The following ABAT variants were observed in gnomAD, a reference collection of about 807,000 sequenced individuals.
ABAT encodes 4-aminobutyrate aminotransferase.
In ABAT, 45 loss-of-function variants were observed where a neutral mutation model predicts 64.6. That is an observed-to-expected ratio of 0.70 (90% CI 0.55 to 0.89). The LOEUF (loss-of-function observed/expected upper bound fraction) is 0.89, where lower values mean the gene tolerates loss of function less well. Ranked by LOEUF, ABAT falls within the 40% of genes least tolerant of loss-of-function variation. ABAT has a pLI of 0.00. For synonymous variants in ABAT, 297 were observed against 250.5 expected (o/e 1.19, Z -1.75); for missense variants, 633 against 658.4 (o/e 0.96, Z 0.42).
chr16:8,692,212 C>T (rs1192365298), intron 1 of ABAT, among the ~76,000 whole-genome samples: 1 of 151,938 alleles, frequency 6.6e-6, no homozygotes, highest in Non-Finnish European at 1.5e-5. Context: ...AAGACTTTGT[C>T]CCTACAGAAA....
chr16:8,749,862 C>G (rs982164784), intron 4 of ABAT, among the ~76,000 whole-genome samples: 1 of 152,092 alleles, frequency 6.6e-6, no homozygotes, highest in African/African-American at 2.4e-5. Flanking sequence ...CACAGGCGTG[C>G]ACCACCACGC....
intron 1 of ABAT, among the ~76,000 whole-genome samples, chr16:8,691,050 A>G (rs1045515194): frequency 9.4e-4 from 85 of 90,192 alleles, no homozygotes; most frequent in African/African-American, 3.4e-3. Context: ...TGTTGGGGGA[A>G]AAAAAAAAAC....
intron 14 of ABAT, among the ~76,000 whole-genome samples, chr16:8,778,323 G>T (rs1262477387): frequency 1.3e-5 from 2 of 152,174 alleles, no homozygotes; most frequent in Non-Finnish European, 2.9e-5. Context: ...CGAGGCTCTG[G>T]GGGAGAATCT....
At chr16:8,762,530 C>T (rs1379528524) in intron 6 of ABAT, among the ~76,000 whole-genome samples, 1 of 152,318 alleles carries the variant, frequency 6.6e-6, no homozygotes, top group East Asian at 1.9e-4. Context: ...GTACCCTAAG[C>T]CTGTTGAGCT....
At chr16:8,707,388 A>G (rs1273621459) in intron 1 of ABAT, among the ~76,000 whole-genome samples, 2 of 130,928 alleles carry the variant, frequency 1.5e-5, no homozygotes, top group Non-Finnish European at 3.2e-5. Context: ...ACAGGGTTTC[A>G]CTATGTTGCC....
intron 11 of ABAT, among the ~76,000 whole-genome samples, chr16:8,770,973 G>A (rs920029292): frequency 1.3e-5 from 2 of 152,072 alleles, no homozygotes; most frequent in Non-Finnish European, 2.9e-5. Context: ...AACACTGTGT[G>A]TATTTTACAC....
intron 5 of ABAT, among the ~76,000 whole-genome samples, chr16:8,755,810 G>A (rs9673371): frequency 0.53 from 79,793 of 151,886 alleles, 22,171 homozygotes; most frequent in Admixed American, 0.62. Context: ...AGCACTTTGG[G>A]AGGCCGAGGT....
chr16:8,700,369 G>A (rs1033060723), intron 1 of ABAT, among the ~76,000 whole-genome samples: 3 of 151,974 alleles, frequency 2.0e-5, no homozygotes, highest in Non-Finnish European at 4.4e-5. Context: ...TTACATACGC[G>A]GCTCCATGAA....
Position 8,781,286 on chromosome 16 carries a change from C to T in ABAT, c.1382-23C>T. Reference sequence around the variant, plus strand: ...TGTGACTTTGAGAAACCACGCTCCTCACCTACCTCCTGCCTCTTTCAGGTG... The same window carrying T: ...TGTGACTTTGAGAAACCACGCTCCTTACCTACCTCCTGCCTCTTTCAGGTG... On this transcript the variant is annotated intron_variant, in intron 15 of 15. Transcript: ENST00000268251. This position sits in a 1 kb window ranked among gnomAD's most constrained non-coding sequence, Gnocchi z 4.5. 1 of 1,613,912 alleles carries T rather than the reference C, an allele frequency of 6.2e-7. No homozygotes were observed. Among genetic ancestry groups the T allele is most frequent in the Non-Finnish European group, 8.5e-7 (1 of 1,179,938 alleles).
intron 2 of ABAT, among the ~76,000 whole-genome samples, chr16:8,737,991 G>GGAAGGAAGGAAGGAA (rs1567295685): frequency 2.0e-4 from 3 of 14,962 alleles, no homozygotes; most frequent in South Asian, 5.2e-3. Context: ...GAAGGAAGGA[G>GGAAGGAAGGAAGGAA]GAAAGAAAGA....
chr16:8,756,514 T>G (rs1319430804), intron 5 of ABAT, among the ~76,000 whole-genome samples: 1 of 152,234 alleles, frequency 6.6e-6, no homozygotes, highest in East Asian at 1.9e-4. Flanking sequence ...CTCGTTATTT[T>G]AATTTTAATA....
intron 1 of ABAT, among the ~76,000 whole-genome samples, chr16:8,725,350 C>T (rs965035727): frequency 3.3e-5 from 5 of 152,202 alleles, no homozygotes; most frequent in African/African-American, 1.2e-4. Flanking sequence ...CGGAGACCCC[C>T]GTACCCATTA....
chr16:8,698,714 G>A (rs1328420414), intron 1 of ABAT, among the ~76,000 whole-genome samples: 3 of 152,170 alleles, frequency 2.0e-5, no homozygotes, highest in African/African-American at 7.2e-5. Context: ...GGAGGCCAAG[G>A]TGGGCAGATC....
Position 8,776,294 on chromosome 16 carries a change from G to T in ABAT, c.1123-50G>T, listed in dbSNP as rs371220532. 2.1e-5 allele frequency: 34 copies of T among 1,613,228 alleles called. No homozygotes were observed. Among genetic ancestry groups the T allele is most frequent in the Non-Finnish European group, 2.8e-5 (33 of 1,179,882 alleles). The stretch of plus-strand genomic sequence containing the variant: ...GGGGCGCCTGGGGTAAGTGACTCCT[G>T]CAGGGTGTGCATGTGTGTGAAGCCT... On this transcript the variant is annotated intron_variant, in intron 13 of 15. Coordinates refer to ENST00000268251, the MANE Select transcript of ABAT (RefSeq NM_020686.6). The surrounding 1 kb of genome is among the most constrained non-coding windows in gnomAD (Gnocchi z 4.4).
At chr16:8,746,602 A>C (rs2059337395) in intron 3 of ABAT, among the ~76,000 whole-genome samples, 1 of 151,414 alleles carries the variant, frequency 6.6e-6, no homozygotes, top group Admixed American at 6.6e-5. Context: ...GCTGGTCTTG[A>C]AGTCCTGACC....
intron 1 of ABAT, among the ~76,000 whole-genome samples, chr16:8,697,197 G>A (rs562870314): frequency 1.3e-5 from 2 of 152,324 alleles, no homozygotes; most frequent in South Asian, 4.1e-4. Flanking sequence ...TCGGGCCCCG[G>A]GGGAAACTCA....
intron 13 of ABAT, among the ~76,000 whole-genome samples, chr16:8,775,312 C>T (rs894145360): frequency 6.6e-6 from 1 of 152,158 alleles, no homozygotes; most frequent in Non-Finnish European, 1.5e-5. Context: ...ATATCATCGA[C>T]AGCTGCCGCA....
At chr16:8,697,917 G>T (rs1193833364) in intron 1 of ABAT, among the ~76,000 whole-genome samples, 1 of 152,170 alleles carries the variant, frequency 6.6e-6, no homozygotes, top group South Asian at 2.1e-4. Flanking sequence ...GATCACAGGC[G>T]TGAGCCACCG....
intron 5 of ABAT, among the ~76,000 whole-genome samples, chr16:8,755,549 T>C (rs1054325751): frequency 1.3e-5 from 2 of 152,186 alleles, no homozygotes; most frequent in Non-Finnish European, 2.9e-5. Context: ...TTATGTGTAA[T>C]TATCTCCCAG....
Sources: allele counts gnomAD v4.1 joint callset (sites outside exome capture counted in the v4.1 genomes callset), GRCh38; gene constraint gnomAD v4.1.1; non-coding constraint Gnocchi (gnomAD v3.1); transcripts MANE v1.5; gene names NCBI Gene and HGNC (gene_info 2026-07-23, HGNC 2026-07-21).